Variants in VDR observed in about 807,000 individuals in gnomAD.
The protein encoded by VDR is vitamin D receptor, also known as vitamin D3 receptor.
In VDR, 19 loss-of-function variants were observed where a neutral mutation model predicts 39.7. The observed-to-expected ratio is 0.48, with a 90% confidence interval of 0.33 to 0.70. VDR has a LOEUF of 0.70. Ranked by LOEUF, VDR falls within the 30% of genes least tolerant of loss-of-function variation. The pLI, the probability that VDR is intolerant of heterozygous loss-of-function variation, is 0.02. For synonymous variants in VDR, 242 were observed against 215.8 expected (o/e 1.12, Z -1.07); for missense variants, 442 against 570.5 (o/e 0.77, Z 2.29).
chr12:47,869,850 T>C (rs1315132386), intron 3 of VDR, among the ~76,000 whole-genome samples: 6 of 152,184 alleles, frequency 3.9e-5, no homozygotes, highest in African/African-American at 1.4e-4. Flanking sequence ...TGAACCAAGA[T>C]TGTGCCACTG....
At chr12:47,871,609 A>T (rs1029797067) in intron 3 of VDR, among the ~76,000 whole-genome samples, 2 of 151,808 alleles carry the variant, frequency 1.3e-5, no homozygotes, top group African/African-American at 4.8e-5. Flanking sequence ...AATTACAGGC[A>T]TGTGCCACCA....
At chr12:47,865,667 C>T (rs1945716997) in intron 3 of VDR, among the ~76,000 whole-genome samples, 1 of 151,358 alleles carries the variant, frequency 6.6e-6, no homozygotes, top group Non-Finnish European at 1.5e-5. Flanking sequence ...CTATCCTAGG[C>T]CTCCCACAGT....
chr12:47,889,935 T>G (rs888511727), intron 1 of VDR, among the ~76,000 whole-genome samples: 3 of 151,996 alleles, frequency 2.0e-5, no homozygotes, highest in Admixed American at 1.3e-4. Context: ...GTCTTAACGC[T>G]GGGACCCGCA....
At chr12:47,884,989 G>T (rs1946226176) in intron 1 of VDR, among the ~76,000 whole-genome samples, 1 of 152,112 alleles carries the variant, frequency 6.6e-6, no homozygotes, top group Admixed American at 6.5e-5. Flanking sequence ...AAGCCTATAG[G>T]AAAGTGGGGC....
At chr12:47,861,755 T>A (rs1945630058) in intron 4 of VDR, among the ~76,000 whole-genome samples, 2 of 152,226 alleles carry the variant, frequency 1.3e-5, no homozygotes, top group Admixed American at 1.3e-4. Flanking sequence ...GACTTCATTT[T>A]AAGCTCCTTG....
At chr12:47,849,517 A>G (rs1945343520) in intron 7 of VDR, among the ~76,000 whole-genome samples, 2 of 152,240 alleles carry the variant, frequency 1.3e-5, no homozygotes, top group African/African-American at 4.8e-5. Flanking sequence ...CAATAAACCC[A>G]GAACCAGACT....
chr12:47,900,511 C>A (rs1473971313), intron 1 of VDR, among the ~76,000 whole-genome samples: 1 of 152,144 alleles, frequency 6.6e-6, no homozygotes, highest in African/African-American at 2.4e-5. Flanking sequence ...TGTTGATTAA[C>A]CTCACAGAGA....
In VDR at chr12:47,846,352, A is replaced by G. The variant is rs1945279390; in HGVS notation, c.1007T>C (p.Ile336Thr). 1 of 1,607,196 alleles carries G rather than the reference A, an allele frequency of 6.2e-7. No homozygotes were observed. The highest frequency in any genetic ancestry group is 1.1e-5 in the South Asian group (1 of 89,664). ...CCCCATACCTGGGGAGACGATGCAG[A>G]TGGCCATGAGCAGGACATGCTCCTC... is the stretch of plus-strand genomic sequence containing the variant. The part of the protein sequence containing the change: ...HEEEHVLLMA[I>T]CIVSPDRPGV... Residue 336 changes from isoleucine (I) to threonine (T), a missense_variant, in exon 9 of 10, where the codon ATC (isoleucine) becomes ACC (threonine). Ile to Thr is a moderately conservative substitution (Grantham distance 89, BLOSUM62 -1). Transcript: ENST00000549336.
At chr12:47,882,822 G>C (rs545925622) in intron 1 of VDR, 48 bp from the exon 2 acceptor site, 5 of 1,462,762 alleles carry the variant, frequency 3.4e-6, no homozygotes, top group Non-Finnish European at 4.6e-6. Flanking sequence ...AGCGCTGACC[G>C]CCTCCCCAGT....
chr12:47,849,885 C>G (rs956790172), intron 7 of VDR, among the ~76,000 whole-genome samples: 1 of 151,432 alleles, frequency 6.6e-6, no homozygotes, highest in Non-Finnish European at 1.5e-5. Context: ...CAGTCTTGCT[C>G]TGTCACCCAG....
chr12:47,848,413 A>C (rs1225364247), intron 7 of VDR, among the ~76,000 whole-genome samples: 4 of 151,942 alleles, frequency 2.6e-5, no homozygotes, highest in African/African-American at 4.8e-5. Flanking sequence ...TCCTGAATCC[A>C]CTGTGTTTTC....
intron 1 of VDR, chr12:47,883,061 C>T (rs1012608005): frequency 3.2e-5 from 12 of 378,924 alleles, no homozygotes; most frequent in Non-Finnish European, 5.2e-5. Context: ...AACAGCCTCC[C>T]GCCTAGGCAC....
chr12:47,846,921 G>T (rs1303975879), intron 7 of VDR, 113 bp from the exon 8 acceptor site: 1 of 1,293,014 alleles, frequency 7.7e-7, no homozygotes, highest in Non-Finnish European at 1.1e-6. Flanking sequence ...ATGCACCCTG[G>T]GTCTTTCATC....
At chr12:47,859,711 G>A (rs1449654502) in intron 4 of VDR, among the ~76,000 whole-genome samples, 1 of 152,116 alleles carries the variant, frequency 6.6e-6, no homozygotes, top group Non-Finnish European at 1.5e-5. Context: ...AAGACTCATG[G>A]TTAGCACAGT....
At chr12:47,904,727 G>T in intron 1 of VDR, 1 of 1,273,678 alleles carries the variant, frequency 7.9e-7, no homozygotes, top group Non-Finnish European at 1.1e-6. Context: ...CGCCGAGGAT[G>T]TCGCTGCTCC....
At chr12:47,859,298 C>T (rs544552205) in intron 4 of VDR, among the ~76,000 whole-genome samples, 1 of 152,342 alleles carries the variant, frequency 6.6e-6, no homozygotes, top group South Asian at 2.1e-4. Context: ...TGATGCCATT[C>T]TCCTGCCCAG....
chr12:47,850,141 C>T (rs1307208970), intron 7 of VDR, among the ~76,000 whole-genome samples: 9 of 152,264 alleles, frequency 5.9e-5, no homozygotes, highest in South Asian at 2.1e-4. Context: ...TGTGAGCCAC[C>T]GTGCCTGGCA....
rs200970559 is a variant in VDR, at chr12:47,865,182, C to G, written c.147-5G>C. The G allele has an allele frequency of 1.9e-6, 3 of 1,610,944 alleles. No individual in the cohort carries two copies. Among genetic ancestry groups the G allele is most frequent in the Non-Finnish European group, 2.5e-6 (3 of 1,178,498 alleles). Reference sequence around the variant, plus strand: ...GCCTTCCGCTTCATGCTTCGCCTGCCGAGAGAGCACACACCCTGCCCTGGG... The same window carrying G: ...GCCTTCCGCTTCATGCTTCGCCTGCGGAGAGAGCACACACCCTGCCCTGGG... On this transcript the variant is annotated splice_region_variant and splice_polypyrimidine_tract_variant and intron_variant, in intron 3 of 9. Transcript: ENST00000549336.
chr12:47,871,361 TTCTC>T (rs56815600), intron 3 of VDR, among the ~76,000 whole-genome samples: 5 of 141,100 alleles, frequency 3.5e-5, no homozygotes, highest in East Asian at 2.3e-4. Flanking sequence ...TTTCTTTCCT[TTCTC>T]TCTCTCTCTC....
Sources: gnomAD v4.1 joint callset for allele counts (sites outside exome capture counted in the v4.1 genomes callset) on GRCh38, gnomAD v4.1.1 for gene constraint, MANE v1.5 for transcripts, NCBI Gene and HGNC (gene_info 2026-07-23, HGNC 2026-07-21) for gene names.